The following PRR36 variants were observed in gnomAD, a reference collection of about 807,000 sequenced individuals.
The protein encoded by PRR36 is proline rich 36.
PRR36 carries 30 observed loss-of-function variants against 58.6 expected under a neutral mutation model. The observed-to-expected ratio is 0.51, with a 90% CI of 0.38 to 0.69. PRR36 has a LOEUF of 0.69. PRR36 is among the 30% of genes least tolerant of loss of function. The pLI is 0.00. For missense variants in PRR36, 1,692 were observed against 1,805.6 expected (o/e 0.94, Z 1.14); for synonymous variants, 771 against 829.3 (o/e 0.93, Z 1.21).
chr19:7,871,947 T>G lies in PRR36; in HGVS notation c.1297A>C (p.Ser433Arg). The change falls in exon 5 of 6, where the codon AGT (serine) becomes CGT (arginine). Residue 433 changes from serine (S) to arginine (R), a missense_variant. Ser to Arg is a moderately radical substitution (Grantham distance 110). This residue lies in a region of PRR36 where 975 missense variants were observed against 955.2 expected (regional missense o/e 1.02). Transcript: ENST00000618550. ...VSPSVSSPLQ[S>R]MPPTQANPAL... ...GGATTAGCTTGGGTGGGGGGCATAC[T>G]CTGCAGAGGGGATGAAACTGATGGA... 6.5e-7 allele frequency: 1 copy of G among 1,535,414 alleles called. No homozygotes were observed. Among genetic ancestry groups the G allele is most frequent in the African/African-American group, 1.4e-5 (1 of 72,884 alleles).
At position 7,871,208 on chromosome 19, in the gene PRR36, A is replaced by C. The variant is rs755290764; in HGVS notation, c.2036T>G (p.Leu679Arg). Residue 679 changes from leucine (L) to arginine (R), a missense_variant, in exon 5 of 6, where the codon CTA (leucine) becomes CGA (arginine). Coordinates refer to ENST00000618550, the MANE Select transcript of PRR36 (RefSeq NM_001190467.2). ...QTSLSPAVSPLSSPLTIHPLQ... is the reference protein window; with the variant it reads ...QTSLSPAVSPRSSPLTIHPLQ... ...AGGGTGTATGGTCAGGGGTGAGCTT[A>C]GGGGTGAGACAGCAGGAGAGAGAGA... 1.3e-5 allele frequency: 19 copies of C among 1,480,466 alleles called. No homozygotes were observed. The South Asian group carries it at 1.8e-4, about 14-fold the overall frequency. The allele number at this position is 1,480,466 out of a possible 1,614,324, so 91.7% of individuals were successfully genotyped here. A position where few individuals can be genotyped will look rare whatever the true frequency, so the allele number is the denominator to read the frequency against.
chr19:7,869,150 T>C lies in PRR36; in HGVS notation c.3924A>G (p.Leu1308=), dbSNP rs1293617122. Residue 1308 remains leucine, a synonymous_variant, in exon 6 of 6, where the codon CTA becomes CTG. Transcript: ENST00000618550. ...SDAELGRWAE[L]LSPLDESRAS... is the part of the protein sequence containing the mutation. ...CACGGGACTCGTCCAGGGGAGACAG[T>C]AGTTCGGCCCAGCGGCCGAGTTCGG... The C allele has an allele frequency of 6.5e-7, 1 of 1,535,110 alleles. No homozygotes were observed. Among genetic ancestry groups the C allele is most frequent in the Non-Finnish European group, 8.7e-7 (1 of 1,146,630 alleles).
In PRR36 at chr19:7,870,714, G is replaced by C. The variant is rs1310933148; in HGVS notation, c.2530C>G (p.Pro844Ala). ...SPLATPPPQA[P>A]PALALPPLQA... Reference sequence around the variant, plus strand: ...AGAGGAGGCAAGGCCAGGGCAGGTGGGGCCTGTGGAGGGGGCGTGGCCAAA... The same window carrying C: ...AGAGGAGGCAAGGCCAGGGCAGGTGCGGCCTGTGGAGGGGGCGTGGCCAAA... Residue 844 changes from proline (P) to alanine (A), a missense_variant, in exon 5 of 6, where the codon CCA (proline) becomes GCA (alanine). Physicochemically the swap from Pro to Ala is conservative, Grantham distance 27 (BLOSUM62 -1). Transcript: ENST00000618550. The C allele has an allele frequency of 7.2e-7, 1 of 1,385,164 alleles. No individual in the cohort carries two copies. The highest frequency in any genetic ancestry group is 2.8e-5 in the East Asian group (1 of 36,230). 85.8% of individuals were successfully genotyped at this position (1,385,164 alleles called of 1,614,324 possible). A position where few individuals can be genotyped will look rare whatever the true frequency, so the allele number is the denominator to read the frequency against.
intron 5 of PRR36, 74 bp from the exon 6 acceptor site, chr19:7,869,618 C>G: frequency 6.8e-7 from 1 of 1,472,266 alleles, no homozygotes; most frequent in Non-Finnish European, 9.0e-7. Flanking sequence ...GCCTCCTTGT[C>G]TAAGCTCCGC....
Position 7,870,638 on chromosome 19 carries a change from G to T in PRR36, c.2606C>A (p.Thr869Lys). The change falls in exon 5 of 6, where the codon ACA becomes AAA. Residue 869 changes from threonine (T) to lysine (K), a missense_variant. Transcript: ENST00000618550. Reference sequence around the variant, plus strand: ...AGCATTTGGGGCCTGTGGAGAGGGTGTGGCCAAAGGAGACAGAGGGGGTGA... The same window carrying T: ...AGCATTTGGGGCCTGTGGAGAGGGTTTGGCCAAAGGAGACAGAGGGGGTGA... ...PASPPLSPLA[T>K]PSPQAPNALA... 1 of 1,342,972 alleles carries T rather than the reference G, an allele frequency of 7.4e-7. No homozygotes were observed. Among genetic ancestry groups the T allele is most frequent in the Non-Finnish European group, 9.5e-7 (1 of 1,050,456 alleles). The allele number at this position is 1,342,972 out of a possible 1,614,324, so 83.2% of individuals were successfully genotyped here.
rs547007273 is a variant in PRR36 at position 7,869,205 on chromosome 19, G to C, written c.3869C>G (p.Thr1290Arg). The change falls in exon 6 of 6, where the codon ACA (threonine) becomes AGA (arginine). Residue 1290 changes from threonine to arginine, a missense_variant. This residue lies in a region of PRR36 where 485 missense variants were observed against 549.2 expected (regional missense o/e 0.88). Coordinates refer to ENST00000618550, the MANE Select transcript of PRR36 (RefSeq NM_001190467.2). Reference protein sequence around the residue: ...GPGGAEGGGVTGGARAALSDA... With the variant: ...GPGGAEGGGVRGGARAALSDA... ...GCTGAGTGCAGCCCGGGCGCCCCCT[G>C]TGACGCCACCACCCTCCGCACCTCC... 175 of 1,531,272 alleles carry C rather than the reference G, an allele frequency of 1.1e-4. No homozygotes were observed. The East Asian group carries it at 3.8e-3, about 33-fold the overall frequency. The allele number at this position is 1,531,272 out of a possible 1,614,324, so 94.9% of individuals were successfully genotyped here.
Position 7,869,428 on chromosome 19 carries a change from C to T in PRR36, c.3646G>A (p.Gly1216Arg). Residue 1216 changes from glycine to arginine, a missense_variant, in exon 6 of 6, where the codon GGG (glycine) becomes AGG (arginine). Coordinates refer to ENST00000618550, the MANE Select transcript of PRR36 (RefSeq NM_001190467.2). ...ATPAPGALDP[G>R]PSPGTSGGKA... is the part of the protein sequence containing the mutation. ...CCACCGCTCGTGCCGGGACTGGGCC[C>T]CGGATCCAGTGCGCCAGGGGCGGGG... The T allele has an allele frequency of 6.7e-7, 1 of 1,501,014 alleles. No homozygotes were observed. The highest frequency in any genetic ancestry group is 8.8e-7 in the Non-Finnish European group (1 of 1,132,568). The allele number at this position is 1,501,014 out of a possible 1,614,324, so 93.0% of individuals were successfully genotyped here.
At position 7,870,682 on chromosome 19, in the gene PRR36, G is replaced by A. The variant is rs1422713423; in HGVS notation, c.2562C>T (p.Ala854=). The A allele has an allele frequency of 2.2e-6, 3 of 1,366,420 alleles. No individual in the cohort carries two copies. The highest frequency in any genetic ancestry group is 5.7e-5 in the East Asian group (2 of 35,204). 84.6% of individuals were successfully genotyped at this position (1,366,420 alleles called of 1,614,324 possible). ...GGGGTGAGGCAGGGGGAGAGGGAGG[G>A]GCCTGCAGAGGAGGCAAGGCCAGGG... ...PPALALPPLQ[A]PPSPPASPPL... The change falls in exon 5 of 6, where the codon GCC becomes GCT. Residue 854 remains alanine (A), a synonymous_variant. Transcript: ENST00000618550.
rs1430571954 is a variant in PRR36 at position 7,874,142 on chromosome 19, ATGCCTGCACCTGCC to A, written c.-8+130_-8+143del. On this transcript the variant is annotated intron_variant, in intron 1 of 5. Coordinates refer to ENST00000618550, the MANE Select transcript of PRR36 (RefSeq NM_001190467.2). The surrounding 1 kb of genome is among the most constrained non-coding windows in gnomAD (Gnocchi z 6.0). Reference sequence around the variant, plus strand: ...CGGCCTCCCCTGGCCTCCCCGAGGGATGCCTGCACCTGCCGGGAGGCAGAGCGGCCCCGCTGCCC... The same window carrying A: ...CGGCCTCCCCTGGCCTCCCCGAGGGAGGGAGGCAGAGCGGCCCCGCTGCCC... 3 of 159,944 alleles carry A rather than the reference ATGCCTGCACCTGCC, an allele frequency of 1.9e-5. No homozygotes were observed. The highest frequency in any genetic ancestry group is 7.2e-5 in the African/African-American group (3 of 41,708). The allele number at this position is 159,944 out of a possible 1,614,324, so 9.9% of individuals were successfully genotyped here. A position where few individuals can be genotyped will look rare whatever the true frequency, so the allele number is the denominator to read the frequency against.
chr19:7,872,132 G>T lies in PRR36; in HGVS notation c.1112C>A (p.Pro371His), dbSNP rs895209543. 4 of 1,513,098 alleles carry T rather than the reference G, an allele frequency of 2.6e-6. No individual in the cohort carries two copies. The highest frequency in any genetic ancestry group is 1.4e-5 in the African/African-American group (1 of 72,376). 93.7% of individuals were successfully genotyped at this position (1,513,098 alleles called of 1,614,324 possible). A position where few individuals can be genotyped will look rare whatever the true frequency, so the allele number is the denominator to read the frequency against. Residue 371 changes from proline to histidine, a missense_variant, in exon 5 of 6, where the codon CCT (proline) becomes CAT (histidine). Coordinates refer to ENST00000618550, the MANE Select transcript of PRR36 (RefSeq NM_001190467.2). The surrounding 1 kb of genome is among the most constrained non-coding windows in gnomAD (Gnocchi z 6.1). The part of the protein sequence containing the change: ...SLTCQLATPL[P>H]LAPPSPSAPP... ...AGCAGAGGGAGAAGGAGGGGCTAGA[G>T]GAAGGGGCGTGGCCAACTGACAGGT...
Position 7,874,039 on chromosome 19 carries a change from G to A in PRR36, c.-8+247C>T, listed in dbSNP as rs1352824. On this transcript the variant is annotated intron_variant, in intron 1 of 5. Transcript: ENST00000618550. The surrounding 1 kb of genome is among the most constrained non-coding windows in gnomAD (Gnocchi z 6.0). ...GACTCAGACCGCCAGCCTCGAGAGC[G>A]GGGGACTGCCACGGGCTCAGGATGT... is the stretch of plus-strand genomic sequence containing the variant. Among the ~76,000 whole-genome samples the A allele has an allele frequency of 0.51, 77,519 of 151,664 alleles. 21,264 individuals are homozygous for A. Among genetic ancestry groups the A allele is most frequent in the South Asian group, 0.74 (3,534 of 4,804 alleles).
In PRR36 at chr19:7,869,050, C is replaced by A; in HGVS notation, c.4024G>T (p.Val1342Leu). 6.5e-7 allele frequency: 1 copy of A among 1,530,374 alleles called. No individual in the cohort carries two copies. The highest frequency in any genetic ancestry group is 8.7e-7 in the Non-Finnish European group (1 of 1,144,318). The allele number at this position is 1,530,374 out of a possible 1,614,324, so 94.8% of individuals were successfully genotyped here. A position where few individuals can be genotyped will look rare whatever the true frequency, so the allele number is the denominator to read the frequency against. Residue 1342 changes from valine to leucine, a missense_variant, in exon 6 of 6, where the codon GTG (valine) becomes TTG (leucine). Transcript: ENST00000618550. ...GGTCTGGCTCAGTGGAAGGTCTCCA[C>A]CTCCACCACGGTCCAGTCACCCTGC... is the stretch of plus-strand genomic sequence containing the variant. ...SPQGDWTVVE[V>L]ETFH
In PRR36 at chr19:7,869,559, G is replaced by T; in HGVS notation, c.3530-15C>A. 3 of 1,516,162 alleles carry T rather than the reference G, an allele frequency of 2.0e-6. No homozygotes were observed. Among genetic ancestry groups the T allele is most frequent in the Non-Finnish European group, 2.6e-6 (3 of 1,138,396 alleles). 93.9% of individuals were successfully genotyped at this position (1,516,162 alleles called of 1,614,324 possible). ...CAGGGGCGCACCTGCGGGGAGAGAC[G>T]CCAGGTGGGCCGTGGGGGTGATAAG... On this transcript the variant is annotated splice_polypyrimidine_tract_variant and intron_variant, in intron 5 of 5. Coordinates refer to ENST00000618550, the MANE Select transcript of PRR36 (RefSeq NM_001190467.2).
At position 7,871,124 on chromosome 19, in the gene PRR36, A is replaced by C; in HGVS notation, c.2120T>G (p.Ile707Ser). Residue 707 changes from isoleucine to serine, a missense_variant, in exon 5 of 6, where the codon ATC becomes AGC. Coordinates refer to ENST00000618550, the MANE Select transcript of PRR36 (RefSeq NM_001190467.2). ...HSPQAPLSSL[I>S]MPPLETQSSL... is the part of the protein sequence containing the mutation. ...AGATTGGGTCTCCAGAGGGGGCATGATCAGGGAAGAGAGAGGTGCCTGAGG... is the reference window on the plus strand; with the variant it reads ...AGATTGGGTCTCCAGAGGGGGCATGCTCAGGGAAGAGAGAGGTGCCTGAGG... 6.5e-7 allele frequency: 1 copy of C among 1,534,122 alleles called. No individual in the cohort carries two copies. Among genetic ancestry groups the C allele is most frequent in the Non-Finnish European group, 8.7e-7 (1 of 1,146,230 alleles).
Position 7,871,106 on chromosome 19 carries a change from G to A in PRR36, c.2138C>T (p.Thr713Ile), listed in dbSNP as rs1365180227. The change falls in exon 5 of 6, where the codon ACC (threonine) becomes ATC (isoleucine). Residue 713 changes from threonine (T) to isoleucine (I), a missense_variant. Transcript: ENST00000618550. ...LSSLIMPPLE[T>I]QSSLAPPSLQ... ...AGAGGGTGGGGCTAGGGAAGATTGG[G>A]TCTCCAGAGGGGGCATGATCAGGGA... is the stretch of plus-strand genomic sequence containing the variant. 2.6e-6 allele frequency: 4 copies of A among 1,533,482 alleles called. No homozygotes were observed. Among genetic ancestry groups the A allele is most frequent in the Middle Eastern group, 1.7e-4 (1 of 5,990 alleles). The allele number at this position is 1,533,482 out of a possible 1,614,324, so 95.0% of individuals were successfully genotyped here.
chr19:7,872,958 T>TGGAGACAGAA lies in PRR36; in HGVS notation c.377_378insTTCTGTCTCC (p.Gly127SerfsTer317). ...GGAGTCCCTTCTGGCCAAGAGGGCCTGGCCTGGAGACAGAAGGGGCCACGC... is the reference window on the plus strand; with the variant it reads ...GGAGTCCCTTCTGGCCAAGAGGGCCTGGAGACAGAAGGCCTGGAGACAGAAGGGGCCACGC... On this transcript the variant is annotated frameshift_variant, in exon 4 of 6. Transcript: ENST00000618550. LOFTEE classifies it high-confidence loss of function. This position sits in a 1 kb window ranked among gnomAD's most constrained non-coding sequence, Gnocchi z 6.1. 1 of 1,535,614 alleles carries TGGAGACAGAA rather than the reference T, an allele frequency of 6.5e-7. No individual in the cohort carries two copies. Among genetic ancestry groups the TGGAGACAGAA allele is most frequent in the Non-Finnish European group, 8.7e-7 (1 of 1,146,548 alleles).
Position 7,872,181 on chromosome 19 carries a change from C to A in PRR36, c.1063G>T (p.Ala355Ser). Residue 355 changes from alanine to serine, a missense_variant, in exon 5 of 6, where the codon GCC becomes TCC. This residue lies in a region of PRR36 where 975 missense variants were observed against 955.2 expected (regional missense o/e 1.02). Coordinates refer to ENST00000618550, the MANE Select transcript of PRR36 (RefSeq NM_001190467.2). This position sits in a 1 kb window ranked among gnomAD's most constrained non-coding sequence, Gnocchi z 6.1. The stretch of plus-strand genomic sequence containing the variant: ...GTAAGGCTCGACGAGTGGGGCGTGG[C>A]CGGCAGGGTGGGCGGGGCCTGACTT... Reference protein sequence around the residue: ...LQSQAPPTLPATPHSSSLTCQ... With the variant: ...LQSQAPPTLPSTPHSSSLTCQ... 6.9e-7 allele frequency: 1 copy of A among 1,447,804 alleles called. No individual in the cohort carries two copies. The highest frequency in any genetic ancestry group is 9.1e-7 in the Non-Finnish European group (1 of 1,102,824). The allele number at this position is 1,447,804 out of a possible 1,614,324, so 89.7% of individuals were successfully genotyped here. A position where few individuals can be genotyped will look rare whatever the true frequency, so the allele number is the denominator to read the frequency against.
At position 7,868,766 on chromosome 19, in the gene PRR36, G is replaced by A. The variant is rs1980217754; in HGVS notation, c.*267C>T. The A allele has an allele frequency of 5.0e-6, 2 of 396,306 alleles. No homozygotes were observed. Among genetic ancestry groups the A allele is most frequent in the South Asian group, 1.4e-4 (2 of 14,566 alleles). The allele number at this position is 396,306 out of a possible 1,614,324, so 24.5% of individuals were successfully genotyped here. A position where few individuals can be genotyped will look rare whatever the true frequency, so the allele number is the denominator to read the frequency against. On this transcript the variant is annotated 3_prime_UTR_variant, in exon 6 of 6. Coordinates refer to ENST00000618550, the MANE Select transcript of PRR36 (RefSeq NM_001190467.2). ...TTATTGCAAACTCAGGCTGTGCGGG[G>A]TGGGCAATACACTGCACACGGGGCG...
chr19:7,874,163 CAGAGCGGCCCCG>C lies in PRR36; in HGVS notation c.-8+111_-8+122del, dbSNP rs1980597416. On this transcript the variant is annotated intron_variant, in intron 1 of 5. Coordinates refer to ENST00000618550, the MANE Select transcript of PRR36 (RefSeq NM_001190467.2). The surrounding 1 kb of genome is among the most constrained non-coding windows in gnomAD (Gnocchi z 6.0). The stretch of plus-strand genomic sequence containing the variant: ...AGGGATGCCTGCACCTGCCGGGAGG[CAGAGCGGCCCCG>C]CTGCCCGCGAACGGGCTCCGGGAGA... The C allele has an allele frequency of 1.9e-5, 3 of 156,334 alleles. No homozygotes were observed. The highest frequency in any genetic ancestry group is 7.2e-5 in the African/African-American group (3 of 41,638). The allele number at this position is 156,334 out of a possible 1,614,324, so 9.7% of individuals were successfully genotyped here.
Sources: gnomAD v4.1 joint callset for allele counts (sites outside exome capture counted in the v4.1 genomes callset) on GRCh38, gnomAD v4.1.1 for gene constraint, gnomAD v4.1.1 regional missense constraint, Gnocchi (gnomAD v3.1) non-coding constraint, MANE v1.5 for transcripts, NCBI Gene and HGNC (gene_info 2026-07-23, HGNC 2026-07-21) for gene names.